Variants in PRKG1 observed in about 807,000 individuals in gnomAD.
PRKG1 encodes cGMP-dependent protein kinase 1.
In PRKG1, 35 loss-of-function variants were observed where a neutral mutation model predicts 88.1. The ratio of observed to expected loss-of-function variants is 0.40; its 90% CI spans 0.30 to 0.53. PRKG1 has a LOEUF of 0.53. PRKG1 is among the 20% of genes least tolerant of loss of function. PRKG1 has a pLI of 0.59. For missense variants in PRKG1, 540 were observed against 839.8 expected (o/e 0.64, Z 4.41); for synonymous variants, 303 against 292.5 (o/e 1.04, Z -0.37).
chr10:52,028,727 A>C (rs886858777), intron 5 of PRKG1, among the ~76,000 whole-genome samples: 1 of 152,178 alleles, frequency 6.6e-6, no homozygotes, highest in Non-Finnish European at 1.5e-5. Flanking sequence ...TGATATTTTG[A>C]ACTGTACAGA....
intron 1 of PRKG1, among the ~76,000 whole-genome samples, chr10:51,098,254 T>C (rs1262563185): frequency 1.3e-5 from 2 of 152,244 alleles, no homozygotes; most frequent in Non-Finnish European, 2.9e-5. Flanking sequence ...GGTACTTCTC[T>C]GTGCCTCAGT....
At chr10:52,011,022 T>C (rs1328209557) in intron 5 of PRKG1, among the ~76,000 whole-genome samples, 3 of 152,214 alleles carry the variant, frequency 2.0e-5, no homozygotes, top group African/African-American at 7.2e-5. Flanking sequence ...CTGTCAGTGT[T>C]GGACAGTTCT....
At chr10:52,025,339 C>A (rs555673292) in intron 5 of PRKG1, among the ~76,000 whole-genome samples, 1 of 152,198 alleles carries the variant, frequency 6.6e-6, no homozygotes, top group Non-Finnish European at 1.5e-5. Flanking sequence ...AATTAGATCC[C>A]ATTTGTCAAT....
At chr10:51,834,521 G>A (rs1193634860) in intron 4 of PRKG1, among the ~76,000 whole-genome samples, 1 of 151,854 alleles carries the variant, frequency 6.6e-6, no homozygotes, top group Non-Finnish European at 1.5e-5. Context: ...CATGCCTGTA[G>A]TCCCAGCTAC....
At chr10:51,274,438 T>A (rs182881415) in intron 2 of PRKG1, among the ~76,000 whole-genome samples, 7 of 152,284 alleles carry the variant, frequency 4.6e-5, no homozygotes, top group African/African-American at 1.7e-4. Flanking sequence ...ATGAGAAGAA[T>A]CAAGTAATAA....
chr10:51,572,134 T>G (rs1837772827), intron 3 of PRKG1, among the ~76,000 whole-genome samples: 2 of 152,046 alleles, frequency 1.3e-5, no homozygotes, highest in South Asian at 4.1e-4. Flanking sequence ...TATTGATGGT[T>G]CCATTTTTAC....
intron 3 of PRKG1, among the ~76,000 whole-genome samples, chr10:51,640,451 G>A (rs764395460): frequency 6.6e-5 from 10 of 152,058 alleles, no homozygotes; most frequent in Non-Finnish European, 7.3e-5. Flanking sequence ...GAGCTTGTAC[G>A]TGCAAGAATA....
intron 2 of PRKG1, among the ~76,000 whole-genome samples, chr10:51,385,652 A>G (rs1171606157): frequency 6.6e-6 from 1 of 152,196 alleles, no homozygotes; most frequent in African/African-American, 2.4e-5. Context: ...CGAAGCCCTC[A>G]TTCATGGGAT....
In PRKG1 at chr10:52,297,076, T is replaced by C. The variant is rs1842399744; in HGVS notation, c.*3176T>C. ...CTGATTTCATACAATAGAGGTGATC[T>C]GTGCATTATCCATAACAACGTTTTC... On this transcript the variant is annotated 3_prime_UTR_variant, in exon 18 of 18. Coordinates refer to ENST00000373980, the MANE Select transcript of PRKG1 (RefSeq NM_006258.4). 1 of 152,162 alleles carries C rather than the reference T, an allele frequency of 6.6e-6. No individual in the cohort carries two copies. The highest frequency in any genetic ancestry group is 1.5e-5 in the Non-Finnish European group (1 of 68,012). The allele number at this position is 152,162 out of a possible 1,614,324, so 9.4% of individuals were successfully genotyped here.
chr10:52,137,793 T>C (rs1281071147), intron 8 of PRKG1, among the ~76,000 whole-genome samples: 2 of 152,140 alleles, frequency 1.3e-5, no homozygotes, highest in East Asian at 1.9e-4. Flanking sequence ...GTTAGTTGAA[T>C]CCACAGATAC....
chr10:51,874,504 T>G (rs1336448993), intron 4 of PRKG1, among the ~76,000 whole-genome samples: 1 of 152,232 alleles, frequency 6.6e-6, no homozygotes, highest in Non-Finnish European at 1.5e-5. Context: ...ATGTTGTTGA[T>G]GCATACTGTA....
chr10:52,065,510 T>C (rs142788634), intron 7 of PRKG1, among the ~76,000 whole-genome samples: 4 of 147,076 alleles, frequency 2.7e-5, no homozygotes, highest in African/African-American at 5.2e-5. Context: ...ACAGGTTTTA[T>C]TTTCTTTCTA....
At chr10:51,199,477 A>G (rs1837856024) in intron 2 of PRKG1, among the ~76,000 whole-genome samples, 1 of 152,156 alleles carries the variant, frequency 6.6e-6, no homozygotes, top group Admixed American at 6.5e-5. Flanking sequence ...GGAAAAGGAG[A>G]CATGTATGAG....
At chr10:51,126,455 A>G (rs1449534056) in intron 1 of PRKG1, among the ~76,000 whole-genome samples, 1 of 141,616 alleles carries the variant, frequency 7.1e-6, no homozygotes, top group Non-Finnish European at 1.5e-5. Context: ...TCATATATTT[A>G]TATATTTATT....
At chr10:52,064,900 C>T (rs1361291708) in intron 7 of PRKG1, among the ~76,000 whole-genome samples, 1 of 152,192 alleles carries the variant, frequency 6.6e-6, no homozygotes, top group Non-Finnish European at 1.5e-5. Flanking sequence ...GAAGTATTTC[C>T]AGGGTTCACT....
At chr10:51,096,214 G>C (rs937649967) in intron 1 of PRKG1, among the ~76,000 whole-genome samples, 1 of 152,062 alleles carries the variant, frequency 6.6e-6, no homozygotes, top group Non-Finnish European at 1.5e-5. Flanking sequence ...AGGAAAGATA[G>C]GGCTTTGAAA....
Position 51,074,921 on chromosome 10 carries a change from C to G in PRKG1, c.311+20C>G. 1 of 1,575,560 alleles carries G rather than the reference C, an allele frequency of 6.3e-7. No homozygotes were observed. The highest frequency in any genetic ancestry group is 8.6e-7 in the Non-Finnish European group (1 of 1,156,250). ...CCCACAGTAAGCAGGGGTGACGCGC[C>G]GGGTCCATGTGGCGCCCTGGCGATG... On this transcript the variant is annotated intron_variant, in intron 1 of 17. Coordinates refer to ENST00000373980, the MANE Select transcript of PRKG1 (RefSeq NM_006258.4).
intron 5 of PRKG1, among the ~76,000 whole-genome samples, chr10:52,025,819 C>G (rs1269964895): frequency 6.6e-6 from 1 of 151,236 alleles, no homozygotes; most frequent in East Asian, 2.0e-4. Flanking sequence ...TCCATATGAA[C>G]TTTAAAGTAG....
chr10:51,228,602 G>C (rs1197117764), intron 2 of PRKG1, among the ~76,000 whole-genome samples: 1 of 152,192 alleles, frequency 6.6e-6, no homozygotes, highest in Non-Finnish European at 1.5e-5. Context: ...AAGAGAGAGA[G>C]AGGGGAGACC....
Sources: allele counts gnomAD v4.1 joint callset (sites outside exome capture counted in the v4.1 genomes callset), GRCh38; gene constraint gnomAD v4.1.1; transcripts MANE v1.5; gene names NCBI Gene and HGNC (gene_info 2026-07-23, HGNC 2026-07-21).